The following PTER variants were observed in gnomAD, a reference collection of about 807,000 sequenced individuals.
The protein encoded by PTER is N-acetyltaurine hydrolase.
PTER carries 38 observed loss-of-function variants against 29.6 expected under a neutral mutation model. The observed-to-expected ratio is 1.28, with a 90% CI of 0.99 to 1.68. The LOEUF (loss-of-function observed/expected upper bound fraction) is 1.68, where lower values mean the gene tolerates loss of function less well. Among genes scored for constraint, PTER ranks in the 40% most tolerant of loss-of-function variants. PTER has a pLI of 0.00. For synonymous variants in PTER, 172 were observed against 154.5 expected (o/e 1.11, Z -0.84); for missense variants, 482 against 427.8 (o/e 1.13, Z -1.12).
At chr10:16,484,882 G>A in intron 2 of PTER, 66 bp downstream of exon 2, 1 of 1,489,348 alleles carries the variant, frequency 6.7e-7, no homozygotes. Context: ...CCTTGGAAAT[G>A]CCCTGGGTTC....
chr10:16,450,167 C>T (rs1834155039), intron 1 of PTER, among the ~76,000 whole-genome samples: 1 of 152,166 alleles, frequency 6.6e-6, no homozygotes, highest in Non-Finnish European at 1.5e-5. Context: ...CCTCATGGGT[C>T]ATACTCTGAA....
intron 4 of PTER, among the ~76,000 whole-genome samples, chr10:16,505,836 C>T (rs45582335): frequency 0.11 from 16,804 of 152,022 alleles, 1,116 homozygotes; most frequent in Middle Eastern, 0.21. Context: ...ACAAGGAAGG[C>T]TTTCGTTTGG....
At chr10:16,493,072 G>T (rs181399869) in intron 3 of PTER, among the ~76,000 whole-genome samples, 16 of 152,124 alleles carry the variant, frequency 1.1e-4, no homozygotes, top group Non-Finnish European at 1.5e-4. Flanking sequence ...TATACCAGAC[G>T]TTGGGCTGTA....
intron 3 of PTER, among the ~76,000 whole-genome samples, chr10:16,488,269 C>G (rs927840516): frequency 5.3e-5 from 8 of 152,080 alleles, no homozygotes; most frequent in African/African-American, 1.9e-4. Context: ...CCAGTGAGAA[C>G]TTTGAATTCT....
intron 1 of PTER, among the ~76,000 whole-genome samples, chr10:16,443,942 A>G (rs1055243100): frequency 6.6e-6 from 1 of 151,850 alleles, no homozygotes; most frequent in African/African-American, 2.4e-5. Flanking sequence ...TCACGATACT[A>G]TCAACTGAAA....
At chr10:16,470,284 A>G (rs1228175314) in intron 1 of PTER, among the ~76,000 whole-genome samples, 5 of 152,238 alleles carry the variant, frequency 3.3e-5, no homozygotes, top group Non-Finnish European at 5.9e-5. Context: ...AGCTTAGTCA[A>G]TGAACAAAAG....
chr10:16,491,645 A>G (rs1835902450), intron 3 of PTER, among the ~76,000 whole-genome samples: 1 of 152,078 alleles, frequency 6.6e-6, no homozygotes, highest in South Asian at 2.1e-4. Context: ...TTCCCCCATC[A>G]TGCCTTTTCA....
chr10:16,455,016 C>G (rs1209462930), intron 1 of PTER, among the ~76,000 whole-genome samples: 1 of 152,004 alleles, frequency 6.6e-6, no homozygotes, highest in East Asian at 1.9e-4. Flanking sequence ...ATCACTTAAG[C>G]CCAGGAGTTG....
chr10:16,459,141 T>G (rs540570266), intron 1 of PTER, among the ~76,000 whole-genome samples: 1 of 152,202 alleles, frequency 6.6e-6, no homozygotes, highest in Non-Finnish European at 1.5e-5. Context: ...AAAATTTGCA[T>G]TCTACAACAC....
downstream of PTER, among the ~76,000 whole-genome samples, chr10:16,516,733 G>A (rs1041390672): frequency 1.3e-5 from 2 of 152,108 alleles, no homozygotes; most frequent in Admixed American, 6.5e-5. Flanking sequence ...CCACAAAACC[G>A]AGTGAACGTC....
chr10:16,438,436 C>T (rs1359691130), intron 1 of PTER, among the ~76,000 whole-genome samples: 1 of 151,232 alleles, frequency 6.6e-6, no homozygotes, highest in Admixed American at 6.6e-5. Context: ...GTGCACACCA[C>T]CACGCCCGGC....
intron 1 of PTER, among the ~76,000 whole-genome samples, chr10:16,476,608 C>T (rs11254013): frequency 0.26 from 38,980 of 151,712 alleles, 5,302 homozygotes; most frequent in Middle Eastern, 0.43. Context: ...CTTTGTTGGC[C>T]AGGTTGGAGT....
chr10:16,453,210 C>T (rs1205960644), intron 1 of PTER, among the ~76,000 whole-genome samples: 2 of 152,130 alleles, frequency 1.3e-5, no homozygotes, highest in Non-Finnish European at 2.9e-5. Flanking sequence ...GCCACTGCAC[C>T]TGGCCAGGTT....
At chr10:16,452,194 T>TACACACACACACACACACACAC (rs375537112) in intron 1 of PTER, among the ~76,000 whole-genome samples, 141 of 146,316 alleles carry the variant, frequency 9.6e-4, no homozygotes, top group South Asian at 4.3e-3. Context: ...ACCAGTGGGA[T>TACACACACACACACACACACAC]ACACACACAC....
At chr10:16,482,901 C>T (rs1835532308) in intron 1 of PTER, among the ~76,000 whole-genome samples, 1 of 152,074 alleles carries the variant, frequency 6.6e-6, no homozygotes, top group Non-Finnish European at 1.5e-5. Flanking sequence ...TCTGCCTCAG[C>T]CTCCCAAGTA....
chr10:16,465,649 T>G (rs1834782530), intron 1 of PTER, among the ~76,000 whole-genome samples: 2 of 152,298 alleles, frequency 1.3e-5, no homozygotes, highest in Non-Finnish European at 2.9e-5. Flanking sequence ...ATTTGCTCAT[T>G]GGTTGAGCAG....
At chr10:16,460,662 A>C (rs1035186256) in intron 1 of PTER, among the ~76,000 whole-genome samples, 1 of 152,204 alleles carries the variant, frequency 6.6e-6, no homozygotes, top group African/African-American at 2.4e-5. Flanking sequence ...AATTTGACTT[A>C]AACTTTCTTT....
At chr10:16,439,755 G>T (rs914638853) in intron 1 of PTER, among the ~76,000 whole-genome samples, 21 of 152,020 alleles carry the variant, frequency 1.4e-4, no homozygotes, top group African/African-American at 4.3e-4. Context: ...GAGATGGGGG[G>T]TCTTGTTTTG....
At chr10:16,453,692 G>A (rs1834293304) in intron 1 of PTER, among the ~76,000 whole-genome samples, 1 of 152,132 alleles carries the variant, frequency 6.6e-6, no homozygotes, top group South Asian at 2.1e-4. Context: ...TGCCTAATGG[G>A]ACATCAGAAA....
Sources: gnomAD v4.1 joint callset for allele counts (sites outside exome capture counted in the v4.1 genomes callset) on GRCh38, gnomAD v4.1.1 for gene constraint, MANE v1.5 for transcripts, NCBI Gene and HGNC (gene_info 2026-07-23, HGNC 2026-07-21) for gene names.